Variants in CAND2 observed in about 807,000 individuals in gnomAD.
CAND2 encodes the protein cullin-associated NEDD8-dissociated protein 2.
Under a neutral mutation model 98.9 loss-of-function variants are expected in CAND2, and 62 were observed. The ratio of observed to expected loss-of-function variants is 0.63; its 90% CI spans 0.51 to 0.77. The LOEUF is 0.77. Ranked by LOEUF, CAND2 falls within the 30% of genes least tolerant of loss-of-function variation. The probability of loss-of-function intolerance (pLI) is 0.00; values close to 1 mark genes in which losing one functional copy is unlikely to be tolerated. For synonymous variants in CAND2, 770 were observed against 731.9 expected, an observed-to-expected ratio of 1.05 and a Z score of -0.84; for missense variants, 1,501 against 1,655.2, an observed-to-expected ratio of 0.91 and a Z score of 1.62.
chr3:12,812,299 C>G (rs527481870), intron 5 of CAND2, among the ~76,000 whole-genome samples: 26 of 145,480 alleles, frequency 1.8e-4, no homozygotes, highest in African/African-American at 5.6e-4. Flanking sequence ...TCTTGTCTCA[C>G]TGCAACCTCC....
chr3:12,824,352 A>C (rs2061982584), intron 11 of CAND2, among the ~76,000 whole-genome samples: 1 of 152,238 alleles, frequency 6.6e-6, no homozygotes, highest in Non-Finnish European at 1.5e-5. Flanking sequence ...ACAGTTGTGG[A>C]GACTGGGAGG....
At chr3:12,810,542 G>A (rs2061844381) in intron 5 of CAND2, among the ~76,000 whole-genome samples, 1 of 152,194 alleles carries the variant, frequency 6.6e-6, no homozygotes. Context: ...GGTTGGGGCC[G>A]GATAGGGCTT....
intron 11 of CAND2, 41 bp downstream of exon 11, chr3:12,820,222 C>T (rs2124861777): frequency 6.9e-7 from 1 of 1,442,870 alleles, no homozygotes; most frequent in Middle Eastern, 1.7e-4. Context: ...GTTCAGTGCC[C>T]CCACCCAGTC....
chr3:12,815,083 G>A lies in CAND2; in HGVS notation c.1007-58G>A, dbSNP rs1159554768. 5.8e-6 allele frequency: 9 copies of A among 1,539,114 alleles called. No individual in the cohort carries two copies. The highest frequency in any genetic ancestry group is 7.1e-6 in the Non-Finnish European group (8 of 1,132,196). ...CTCTCCTCCCTGTCCCTTCTCCCCCGAGCCACAGACCTGTCCTGGGAGATG... is the reference window on the plus strand; with the variant it reads ...CTCTCCTCCCTGTCCCTTCTCCCCCAAGCCACAGACCTGTCCTGGGAGATG... On this transcript the variant is annotated intron_variant, in intron 7 of 14. Coordinates refer to ENST00000456430, the MANE Select transcript of CAND2 (RefSeq NM_001162499.2). The surrounding 1 kb of genome is among the most constrained non-coding windows in gnomAD (Gnocchi z 5.7).
chr3:12,815,450 C>G lies in CAND2; in HGVS notation c.1299+17C>G, dbSNP rs1258128130. The stretch of plus-strand genomic sequence containing the variant: ...CGTGGACAGGTGGGCGTGCCTTCAC[C>G]TCCACCCCTACCCCCGATTTGCCTA... On this transcript the variant is annotated intron_variant, in intron 8 of 14. Coordinates refer to ENST00000456430, the MANE Select transcript of CAND2 (RefSeq NM_001162499.2). This position sits in a 1 kb window ranked among gnomAD's most constrained non-coding sequence, Gnocchi z 5.7. 1 of 1,595,788 alleles carries G rather than the reference C, an allele frequency of 6.3e-7. No individual in the cohort carries two copies. The highest frequency in any genetic ancestry group is 1.1e-5 in the South Asian group (1 of 90,106).
At chr3:12,824,698 A>G (rs1274624549) in intron 11 of CAND2, among the ~76,000 whole-genome samples, 1 of 152,190 alleles carries the variant, frequency 6.6e-6, no homozygotes, top group Admixed American at 6.5e-5. Context: ...ACTTGAGGTC[A>G]GGAGTTCGAG....
Position 12,813,046 on chromosome 3 carries a change from G to C in CAND2, c.814G>C (p.Asp272His), listed in dbSNP as rs776711207. Reference protein sequence around the residue: ...LVEDFCNLDDDELRESCLQAF... With the variant: ...LVEDFCNLDDHELRESCLQAF... ...GGAGGATTTCTGCAACCTGGATGAT[G>C]ATGAGCTCCGGGAGTCCTGCCTCCA... Residue 272 changes from aspartate (D) to histidine (H), a missense_variant, in exon 6 of 15, where the codon GAT becomes CAT. This residue lies in a region of CAND2 where 1,427 missense variants were observed against 1,545.3 expected (regional missense o/e 0.92). Transcript: ENST00000456430. 5.4e-5 allele frequency: 85 copies of C among 1,584,472 alleles called. No homozygotes were observed. The highest frequency in any genetic ancestry group is 6.9e-5 in the Non-Finnish European group (81 of 1,166,204).
chr3:12,830,903 A>G (rs1458437254), intron 13 of CAND2, among the ~76,000 whole-genome samples: 2 of 152,154 alleles, frequency 1.3e-5, no homozygotes, highest in Admixed American at 6.5e-5. Context: ...TCAGACAACC[A>G]GTCTTTATGG....
intron 10 of CAND2, among the ~76,000 whole-genome samples, chr3:12,819,859 G>A (rs948401758): frequency 6.6e-6 from 1 of 152,206 alleles, no homozygotes; most frequent in Non-Finnish European, 1.5e-5. Flanking sequence ...GCAGCCTGTG[G>A]TGTTACCTGA....
intron 5 of CAND2, among the ~76,000 whole-genome samples, chr3:12,810,761 C>T (rs2061846119): frequency 6.6e-6 from 1 of 152,222 alleles, no homozygotes; most frequent in Non-Finnish European, 1.5e-5. Context: ...GCCCATGAGC[C>T]AAGTTTGAAT....
intron 5 of CAND2, among the ~76,000 whole-genome samples, chr3:12,811,683 T>C (rs547891702): frequency 5.3e-5 from 8 of 152,192 alleles, no homozygotes; most frequent in African/African-American, 1.9e-4. Flanking sequence ...GTGATTCTCC[T>C]GTCTCAGCCT....
In CAND2 at chr3:12,820,151, C is replaced by T; in HGVS notation, c.3010C>T (p.Pro1004Ser). 1 of 1,614,158 alleles carries T rather than the reference C, an allele frequency of 6.2e-7. No homozygotes were observed. ...VKFLISDQPH[P>S]IDPLLKSFIG... ...GTTCCTTATCTCGGACCAGCCCCAT[C>T]CCATTGACCCCCTCCTGAAGAGCTT... The change falls in exon 11 of 15, where the codon CCC (proline) becomes TCC (serine). Residue 1004 changes from proline to serine, a missense_variant. Pro to Ser is a moderately conservative substitution (Grantham distance 74, BLOSUM62 -1). This residue lies in a region of CAND2 where 1,427 missense variants were observed against 1,545.3 expected (regional missense o/e 0.92). Transcript: ENST00000456430.
Position 12,796,719 on chromosome 3 carries a change from C to T in CAND2, c.-2C>T, listed in dbSNP as rs2061728128. 3 of 1,579,532 alleles carry T rather than the reference C, an allele frequency of 1.9e-6. No individual in the cohort carries two copies. Among genetic ancestry groups the T allele is most frequent in the Admixed American group, 1.8e-5 (1 of 55,574 alleles). The stretch of plus-strand genomic sequence containing the variant: ...CGGCCGGCTCCGCGGCGCGCAGCCA[C>T]CATGAGCACCGCCGCCTTCCACATC... On this transcript the variant is annotated 5_prime_UTR_variant, in exon 1 of 15. Transcript: ENST00000456430.
At chr3:12,808,866 T>TGGGGTCCCAGAGTCTGCCA (rs2061828322) in intron 4 of CAND2, among the ~76,000 whole-genome samples, 1 of 152,004 alleles carries the variant, frequency 6.6e-6, no homozygotes, top group Middle Eastern at 3.2e-3. Context: ...GGGGAAGACT[T>TGGGGTCCCAGAGTCTGCCA]GGGGTCCCAG....
In CAND2 at chr3:12,797,727, G is replaced by T. The variant is rs114180684; in HGVS notation, c.68+939G>T. Reference sequence around the variant, plus strand: ...TTTTTCACTTTGTCCCCATTTTACAGATAGGGAAACTGAGTCTCAGAGACA... The same window carrying T: ...TTTTTCACTTTGTCCCCATTTTACATATAGGGAAACTGAGTCTCAGAGACA... On this transcript the variant is annotated intron_variant, in intron 1 of 14. Coordinates refer to ENST00000456430, the MANE Select transcript of CAND2 (RefSeq NM_001162499.2). Among the ~76,000 whole-genome samples, 487 of 151,962 alleles carry T rather than the reference G, an allele frequency of 3.2e-3. 3 individuals are homozygous for T. The highest frequency in any genetic ancestry group is 0.011 in the African/African-American group (462 of 41,316).
chr3:12,809,794 A>ATGCTTTC, intron 4 of CAND2: 2 of 415,322 alleles, frequency 4.8e-6, no homozygotes. Flanking sequence ...TAGATCCTCT[A>ATGCTTTC]TGCTTTCCCC....
intron 2 of CAND2, among the ~76,000 whole-genome samples, chr3:12,803,865 G>A (rs780806040): frequency 6.6e-6 from 1 of 152,140 alleles, no homozygotes; most frequent in African/African-American, 2.4e-5. Flanking sequence ...AGTGAGGCAG[G>A]AAAGGGAAGA....
At chr3:12,831,106 A>G (rs1175054460) in intron 13 of CAND2, among the ~76,000 whole-genome samples, 2 of 152,112 alleles carry the variant, frequency 1.3e-5, no homozygotes, top group Admixed American at 1.3e-4. Context: ...TTTGAAAACA[A>G]TCCAGTGGCC....
chr3:12,830,077 G>T (rs1012327090), intron 13 of CAND2, among the ~76,000 whole-genome samples: 2 of 152,114 alleles, frequency 1.3e-5, no homozygotes, highest in Admixed American at 1.3e-4. Context: ...CTCCTGCAGC[G>T]GGCGTGCCTC....
Sources: gnomAD v4.1 joint callset for allele counts (sites outside exome capture counted in the v4.1 genomes callset) on GRCh38, gnomAD v4.1.1 for gene constraint, gnomAD v4.1.1 regional missense constraint, Gnocchi (gnomAD v3.1) non-coding constraint, MANE v1.5 for transcripts, NCBI Gene and HGNC (gene_info 2026-07-23, HGNC 2026-07-21) for gene names.